SDK1: variants seen among roughly 807,000 people sequenced by gnomAD.
The protein encoded by SDK1 is protein sidekick-1.
A neutral mutation model predicts 245.5 loss-of-function variants in SDK1; 157 were observed. That is an observed-to-expected ratio of 0.64 (90% CI 0.56 to 0.73). The LOEUF is 0.73. Ranked by LOEUF, SDK1 falls within the 30% of genes least tolerant of loss-of-function variation. The pLI, the probability that SDK1 is intolerant of heterozygous loss-of-function variation, is 0.00. For synonymous variants in SDK1, 1,647 were observed against 1,278.5 expected (o/e 1.29, Z -6.15); for missense variants, 3,583 against 3,002.3 (o/e 1.19, Z -4.52).
chr7:3,702,689 G>C (rs1178459293), intron 4 of SDK1, among the ~76,000 whole-genome samples: 2 of 152,192 alleles, frequency 1.3e-5, no homozygotes, highest in African/African-American at 4.8e-5. Context: ...TGTTCCCCAT[G>C]TTGGACTAGT....
intron 19 of SDK1, among the ~76,000 whole-genome samples, chr7:4,063,549 C>G (rs1779677561): frequency 6.6e-6 from 1 of 150,746 alleles, no homozygotes; most frequent in Admixed American, 6.6e-5. Flanking sequence ...AATCTAATGA[C>G]TCAATGCAAT....
intron 19 of SDK1, among the ~76,000 whole-genome samples, chr7:4,060,971 A>T (rs200265393): frequency 6.6e-6 from 1 of 152,086 alleles, no homozygotes; most frequent in Admixed American, 6.6e-5. Flanking sequence ...GTGTTATTTC[A>T]GAGGGCTCTG....
intron 4 of SDK1, among the ~76,000 whole-genome samples, chr7:3,810,842 C>G (rs768378238): frequency 6.6e-6 from 1 of 152,046 alleles, no homozygotes; most frequent in Non-Finnish European, 1.5e-5. Context: ...TGGAAGTATC[C>G]GAAGACAAGT....
chr7:4,146,045 G>A, intron 29 of SDK1, 129 bp downstream of exon 29: 2 of 789,444 alleles, frequency 2.5e-6, no homozygotes, highest in Non-Finnish European at 2.0e-6. Context: ...AGGGATGTGA[G>A]CATTTACAAA....
intron 1 of SDK1, among the ~76,000 whole-genome samples, chr7:3,448,142 G>C (rs745809998): frequency 5.3e-5 from 8 of 152,150 alleles, no homozygotes; most frequent in Middle Eastern, 3.2e-3. Context: ...GTTTACTGCA[G>C]TCTTGTATAA....
At chr7:3,725,094 C>A (rs1466253111) in intron 4 of SDK1, among the ~76,000 whole-genome samples, 3 of 152,178 alleles carry the variant, frequency 2.0e-5, no homozygotes, top group Admixed American at 6.5e-5. Flanking sequence ...AAAGATAGAT[C>A]TACAGAGCTG....
intron 17 of SDK1, among the ~76,000 whole-genome samples, chr7:4,032,303 A>G (rs1787877785): frequency 6.6e-6 from 1 of 152,212 alleles, no homozygotes; most frequent in Non-Finnish European, 1.5e-5. Flanking sequence ...CATCTGGAGT[A>G]CAAGCATATG....
intron 17 of SDK1, among the ~76,000 whole-genome samples, chr7:4,021,544 A>T (rs901265435): frequency 6.6e-6 from 1 of 152,158 alleles, no homozygotes; most frequent in African/African-American, 2.4e-5. Flanking sequence ...GTCATCAGAG[A>T]TTCAGGGTTC....
intron 1 of SDK1, among the ~76,000 whole-genome samples, chr7:3,410,535 T>C (rs1247399754): frequency 6.6e-6 from 1 of 150,702 alleles, no homozygotes; most frequent in Non-Finnish European, 1.5e-5. Context: ...GTAACTACTC[T>C]GCCAAAGGTT....
chr7:3,937,542 C>A (rs1780203475), intron 5 of SDK1, among the ~76,000 whole-genome samples: 1 of 152,202 alleles, frequency 6.6e-6, no homozygotes, highest in South Asian at 2.1e-4. Context: ...CCGTTTGGAT[C>A]CCTCCATTCC....
At chr7:3,354,556 A>C (rs1024592595) in intron 1 of SDK1, among the ~76,000 whole-genome samples, 4 of 152,240 alleles carry the variant, frequency 2.6e-5, no homozygotes, top group Admixed American at 6.5e-5. Flanking sequence ...TTGTGGTGTC[A>C]GTGTATTAAT....
intron 22 of SDK1, among the ~76,000 whole-genome samples, chr7:4,091,254 C>T (rs1028370490): frequency 2.6e-5 from 4 of 151,764 alleles, no homozygotes; most frequent in Non-Finnish European, 5.9e-5. Context: ...TCTACAAAGG[C>T]AATGATCCTT....
intron 38 of SDK1, among the ~76,000 whole-genome samples, chr7:4,217,394 C>G (rs866879692): frequency 8.5e-4 from 100 of 117,042 alleles, no homozygotes; most frequent in African/African-American, 2.9e-3. Flanking sequence ...CGGAGCACCA[C>G]ACCACCCGGA....
intron 1 of SDK1, among the ~76,000 whole-genome samples, chr7:3,453,440 C>G (rs540193982): frequency 6.6e-6 from 1 of 152,232 alleles, no homozygotes; most frequent in South Asian, 2.1e-4. Flanking sequence ...AATTCAGGAT[C>G]TTGAGATGAA....
At chr7:3,430,341 G>A (rs1218478110) in intron 1 of SDK1, among the ~76,000 whole-genome samples, 1 of 152,048 alleles carries the variant, frequency 6.6e-6, no homozygotes, top group Admixed American at 6.5e-5. Context: ...TATTTTGATA[G>A]CAAGTGTTAG....
intron 29 of SDK1, among the ~76,000 whole-genome samples, chr7:4,147,362 A>T (rs1780050179): frequency 6.6e-6 from 1 of 152,042 alleles, no homozygotes; most frequent in African/African-American, 2.4e-5. Context: ...GAAGAGACAG[A>T]GTCTTGCTAT....
chr7:3,467,783 T>G (rs189389034), intron 1 of SDK1, among the ~76,000 whole-genome samples: 1,592 of 152,240 alleles, frequency 0.01, 32 homozygotes, highest in African/African-American at 0.037. Context: ...TTGGATAGTG[T>G]TCAATTAAAA....
At chr7:3,774,481 A>G (rs1012221181) in intron 4 of SDK1, among the ~76,000 whole-genome samples, 2 of 152,186 alleles carry the variant, frequency 1.3e-5, no homozygotes, top group African/African-American at 4.8e-5. Flanking sequence ...CTGCCATGGG[A>G]CTGGGGCATG....
At position 4,268,351 on chromosome 7, in the gene SDK1, A is replaced by G; in HGVS notation, c.*2967A>G. The G allele has an allele frequency of 3.8e-6, 4 of 1,049,200 alleles. No homozygotes were observed. Among genetic ancestry groups the G allele is most frequent in the Non-Finnish European group, 4.6e-6 (4 of 866,522 alleles). The allele number at this position is 1,049,200 out of a possible 1,614,324, so 65.0% of individuals were successfully genotyped here. A position where few individuals can be genotyped will look rare whatever the true frequency, so the allele number is the denominator to read the frequency against. On this transcript the variant is annotated 3_prime_UTR_variant, in exon 45 of 45. Coordinates refer to ENST00000404826, the MANE Select transcript of SDK1 (RefSeq NM_152744.4). ...TGAGCCCAGAGAGAGCTGCCAGGCC[A>G]CACCCCCTCGGCCTCCTGCACGGCC...
Sources: gnomAD v4.1 joint callset for allele counts (sites outside exome capture counted in the v4.1 genomes callset) on GRCh38, gnomAD v4.1.1 for gene constraint, MANE v1.5 for transcripts, NCBI Gene and HGNC (gene_info 2026-07-23, HGNC 2026-07-21) for gene names.